Variants in KCNIP4 observed in about 807,000 individuals in gnomAD.
The protein encoded by KCNIP4 is Kv channel-interacting protein 4.
KCNIP4 carries 12 observed loss-of-function variants against 34.0 expected under a neutral mutation model. The observed-to-expected ratio is 0.35, with a 90% CI of 0.23 to 0.57. The LOEUF (loss-of-function observed/expected upper bound fraction) is 0.57, where lower values mean the gene tolerates loss of function less well. Ranked by LOEUF, KCNIP4 falls within the 20% of genes least tolerant of loss-of-function variation. The pLI, the probability that KCNIP4 is intolerant of heterozygous loss-of-function variation, is 0.83. For synonymous variants in KCNIP4, 124 were observed against 102.2 expected (o/e 1.21, Z -1.29); for missense variants, 238 against 311.7 (o/e 0.76, Z 1.78).
At chr4:21,605,975 GT>G (rs1469703941) in intron 1 of KCNIP4, among the ~76,000 whole-genome samples, 23 of 152,058 alleles carry the variant, frequency 1.5e-4, no homozygotes, top group Admixed American at 3.9e-4. Flanking sequence ...TGGCCAATAG[GT>G]TTCCTTCCTT....
At chr4:21,642,610 G>T (rs1244413658) in intron 1 of KCNIP4, among the ~76,000 whole-genome samples, 1 of 152,082 alleles carries the variant, frequency 6.6e-6, no homozygotes, top group Non-Finnish European at 1.5e-5. Flanking sequence ...TTTGCTTCCT[G>T]CTCCCATGAC....
intron 1 of KCNIP4, among the ~76,000 whole-genome samples, chr4:20,917,657 A>C (rs1051162378): frequency 6.6e-6 from 1 of 152,222 alleles, no homozygotes; most frequent in African/African-American, 2.4e-5. Flanking sequence ...GATTGAAAGC[A>C]CAGTCTAAGC....
At chr4:20,810,118 G>A (rs1715542752) in intron 3 of KCNIP4, among the ~76,000 whole-genome samples, 1 of 152,194 alleles carries the variant, frequency 6.6e-6, no homozygotes, top group Non-Finnish European at 1.5e-5. Context: ...GTGCTTCCCT[G>A]TAGCACTCAG....
At chr4:20,756,785 T>A (rs990206) in intron 4 of KCNIP4, among the ~76,000 whole-genome samples, 51,715 of 151,738 alleles carry the variant, frequency 0.34, 9,252 homozygotes, top group African/African-American at 0.45. Context: ...CTGAACTATC[T>A]ATCTCTCTTG....
intron 1 of KCNIP4, among the ~76,000 whole-genome samples, chr4:21,123,735 G>A (rs1750366442): frequency 6.6e-6 from 1 of 152,192 alleles, no homozygotes; most frequent in African/African-American, 2.4e-5. Flanking sequence ...ATAAGGTCAT[G>A]TGGGTGGGGC....
At chr4:21,021,859 C>CGTATCGTATAGTATAGTATA (rs1553928077) in intron 1 of KCNIP4, among the ~76,000 whole-genome samples, 30 of 145,928 alleles carry the variant, frequency 2.1e-4, no homozygotes, top group South Asian at 4.5e-4. Flanking sequence ...AGTATAGTAT[C>CGTATCGTATAGTATAGTATA]GTATAGTATA....
At chr4:21,430,295 A>C (rs1399582664) in intron 1 of KCNIP4, among the ~76,000 whole-genome samples, 2 of 152,126 alleles carry the variant, frequency 1.3e-5, no homozygotes, top group African/African-American at 4.8e-5. Flanking sequence ...TTTCAAAGTG[A>C]TAACGGCTTT....
At chr4:21,356,650 C>T (rs1171577418) in intron 1 of KCNIP4, among the ~76,000 whole-genome samples, 1 of 152,070 alleles carries the variant, frequency 6.6e-6, no homozygotes, top group Non-Finnish European at 1.5e-5. Context: ...CAAATCACTG[C>T]TCAATGAAAT....
intron 1 of KCNIP4, among the ~76,000 whole-genome samples, chr4:21,266,386 C>A (rs953659992): frequency 6.8e-6 from 1 of 147,584 alleles, no homozygotes; most frequent in African/African-American, 2.6e-5. Context: ...TCCTTAAAAA[C>A]AAAATGCCAA....
Position 20,758,909 on chromosome 4 carries a change from A to T in KCNIP4, c.289-19T>A. The T allele has an allele frequency of 6.2e-7, 1 of 1,604,420 alleles. No homozygotes were observed. Among genetic ancestry groups the T allele is most frequent in the South Asian group, 1.1e-5 (1 of 90,538 alleles). Reference sequence around the variant, plus strand: ...GGCATTCCTAGGGAAAGTGGCAGAGAAGCAATATGAGCAAAGTGTTCATAA... The same window carrying T: ...GGCATTCCTAGGGAAAGTGGCAGAGTAGCAATATGAGCAAAGTGTTCATAA... On this transcript the variant is annotated intron_variant, in intron 3 of 8. Transcript: ENST00000382152.
chr4:20,849,646 A>T (rs2149481882), intron 3 of KCNIP4, among the ~76,000 whole-genome samples: 1 of 149,664 alleles, frequency 6.7e-6, no homozygotes, highest in South Asian at 2.1e-4. Context: ...TTTCAAAAGG[A>T]TCAAAGCAAT....
At chr4:21,689,731 G>GAT (rs1323759891) in intron 1 of KCNIP4, among the ~76,000 whole-genome samples, 36 of 152,252 alleles carry the variant, frequency 2.4e-4, no homozygotes, top group African/African-American at 8.7e-4. Context: ...TTTTTATGAT[G>GAT]ATATAGAACG....
At chr4:21,666,207 G>A (rs1350096710) in intron 1 of KCNIP4, among the ~76,000 whole-genome samples, 2 of 152,300 alleles carry the variant, frequency 1.3e-5, no homozygotes, top group East Asian at 3.9e-4. Context: ...AAGACATAGT[G>A]CATTACTTAG....
At chr4:21,566,556 T>C (rs1222991349) in intron 1 of KCNIP4, among the ~76,000 whole-genome samples, 1 of 152,028 alleles carries the variant, frequency 6.6e-6, no homozygotes, top group African/African-American at 2.4e-5. Flanking sequence ...GTTTCCTGAG[T>C]CCTCCCCAGC....
intron 1 of KCNIP4, among the ~76,000 whole-genome samples, chr4:21,327,760 A>G (rs1715236986): frequency 1.3e-5 from 2 of 151,850 alleles, no homozygotes; most frequent in Admixed American, 1.3e-4. Flanking sequence ...TTTTTGTCCT[A>G]TGACTGAATA....
intron 1 of KCNIP4, among the ~76,000 whole-genome samples, chr4:21,544,820 A>G (rs573482333): frequency 3.3e-5 from 5 of 152,284 alleles, no homozygotes; most frequent in Admixed American, 2.6e-4. Context: ...CCCATGGAGT[A>G]GCCATTCTTT....
At chr4:21,220,400 G>C (rs1385710659) in intron 1 of KCNIP4, among the ~76,000 whole-genome samples, 1 of 152,096 alleles carries the variant, frequency 6.6e-6, no homozygotes, top group Admixed American at 6.6e-5. Flanking sequence ...CACACACCGG[G>C]GCCTGTTATG....
chr4:20,928,160 G>A (rs972847562), intron 1 of KCNIP4, among the ~76,000 whole-genome samples: 28 of 151,306 alleles, frequency 1.9e-4, no homozygotes, highest in Non-Finnish European at 1.2e-4. Context: ...ATAAAACTAC[G>A]TATAATCTAT....
intron 1 of KCNIP4, among the ~76,000 whole-genome samples, chr4:20,954,987 G>A (rs1733144366): frequency 2.0e-5 from 3 of 152,176 alleles, no homozygotes; most frequent in Non-Finnish European, 4.4e-5. Context: ...TCCCTTTGCA[G>A]GTAGTATTCT....
Sources: allele counts gnomAD v4.1 joint callset (sites outside exome capture counted in the v4.1 genomes callset), GRCh38; gene constraint gnomAD v4.1.1; transcripts MANE v1.5; gene names NCBI Gene and HGNC (gene_info 2026-07-23, HGNC 2026-07-21).